ANO3: variants seen among roughly 807,000 people sequenced by gnomAD.
The protein encoded by ANO3 is anoctamin-3.
Under a neutral mutation model 144.8 loss-of-function variants are expected in ANO3, and 99 were observed. The ratio of observed to expected loss-of-function variants is 0.68; its 90% CI spans 0.58 to 0.81. ANO3 has a LOEUF of 0.81. Among genes scored for constraint, ANO3 ranks in the 30% least tolerant of loss-of-function variants. ANO3 has a pLI of 0.00. For synonymous variants in ANO3, 414 were observed against 392.6 expected (o/e 1.05, Z -0.64); for missense variants, 905 against 1,202.2 (o/e 0.75, Z 3.66).
chr11:26,264,494 CTTTAT>C lies in ANO3; in HGVS notation c.155-45147_155-45143del, dbSNP rs552039604. The stretch of plus-strand genomic sequence containing the variant: ...TAATACAAAGTGATGATGTGAGAAT[CTTTAT>C]TTTGATACTATTTGTGTGAGGAAAT... On this transcript the variant is annotated intron_variant, in intron 1 of 27. Transcript: ENST00000672621. Among the ~76,000 whole-genome samples the C allele has an allele frequency of 2.3e-3, 356 of 152,216 alleles. 2 individuals carry two copies. Among genetic ancestry groups the C allele is most frequent in the African/African-American group, 7.3e-3 (303 of 41,552 alleles).
chr11:26,235,810 A>ATTTG (rs36042741), intron 1 of ANO3, among the ~76,000 whole-genome samples: 54,753 of 151,482 alleles, frequency 0.36, 10,944 homozygotes, highest in Non-Finnish European at 0.44. Flanking sequence ...CTATGTAATC[A>ATTTG]TTTGTCTACA....
Position 26,590,955 on chromosome 11 carries a change from G to A in ANO3, c.1448-7410G>A, listed in dbSNP as rs923961883. Among the ~76,000 whole-genome samples, 7 of 152,250 alleles carry A rather than the reference G, an allele frequency of 4.6e-5. No homozygotes were observed. The East Asian group carries it at 7.7e-4, about 17-fold the overall frequency. ...GACCCAAAGGGGGTTGCCCACTCCCGTCTCGAATGCCTAGGGTTTATATCC... is the reference window on the plus strand; with the variant it reads ...GACCCAAAGGGGGTTGCCCACTCCCATCTCGAATGCCTAGGGTTTATATCC... On this transcript the variant is annotated intron_variant, in intron 14 of 26. Coordinates refer to ENST00000256737, the MANE Select transcript of ANO3 (RefSeq NM_031418.4).
rs200331263 is a variant in ANO3, at chr11:26,385,885, T to TTGTG, written c.46+53570_46+53573dup. 1.7e-4 allele frequency among the ~76,000 whole-genome samples: 22 copies of TTGTG among 130,910 alleles called. 1 individual carries two copies. Among genetic ancestry groups the TTGTG allele is most frequent in the African/African-American group, 7.6e-4 (22 of 29,072 alleles). The allele number at this position is 130,910 out of a possible 152,430, so 85.9% of individuals were successfully genotyped here. A position where few individuals can be genotyped will look rare whatever the true frequency, so the allele number is the denominator to read the frequency against. ...TGGTGATAGATTTGTGTGAAGTTCT[T>TTGTG]TGTGTGTGTATATATATTTATATAC... is the stretch of plus-strand genomic sequence containing the variant. On this transcript the variant is annotated intron_variant, in intron 1 of 26. Transcript: ENST00000256737.
At chr11:26,356,687 T>A (rs1855794114) in intron 1 of ANO3, among the ~76,000 whole-genome samples, 1 of 152,212 alleles carries the variant, frequency 6.6e-6, no homozygotes, top group South Asian at 2.1e-4. Flanking sequence ...CTCTTACATT[T>A]CTGGAGATTG....
At chr11:26,570,605 G>A (rs1367153135) in intron 14 of ANO3, among the ~76,000 whole-genome samples, 1 of 152,072 alleles carries the variant, frequency 6.6e-6, no homozygotes, top group African/African-American at 2.4e-5. Context: ...ATAAAAACAT[G>A]TTTCTATAGT....
At chr11:26,613,077 A>C (rs1275613280) in intron 17 of ANO3, among the ~76,000 whole-genome samples, 1 of 152,124 alleles carries the variant, frequency 6.6e-6, no homozygotes, top group Non-Finnish European at 1.5e-5. Flanking sequence ...TTATCCTGTT[A>C]AATAGGCTTT....
intron 1 of ANO3, among the ~76,000 whole-genome samples, chr11:26,373,202 A>G (rs2133940735): frequency 6.6e-6 from 1 of 152,290 alleles, no homozygotes; most frequent in South Asian, 2.1e-4. Flanking sequence ...TTGGATATGT[A>G]TCTCCACCTA....
At chr11:26,480,762 C>T (rs912805224) in intron 4 of ANO3, among the ~76,000 whole-genome samples, 17 of 152,042 alleles carry the variant, frequency 1.1e-4, no homozygotes, top group Middle Eastern at 3.4e-3. Flanking sequence ...GAGCTGAGTT[C>T]GCTCCACTGC....
At chr11:26,544,315 A>C (rs1849732158) in intron 11 of ANO3, among the ~76,000 whole-genome samples, 1 of 104,660 alleles carries the variant, frequency 9.6e-6, no homozygotes, top group Admixed American at 1.1e-4. Flanking sequence ...TATAAACCAT[A>C]TTTTCTTTAC....
chr11:26,657,353 T>A (rs892280354), intron 26 of ANO3, among the ~76,000 whole-genome samples: 1 of 152,170 alleles, frequency 6.6e-6, no homozygotes, highest in Non-Finnish European at 1.5e-5. Flanking sequence ...TTAACGACTT[T>A]GCACCTATAT....
intron 4 of ANO3, among the ~76,000 whole-genome samples, chr11:26,464,784 C>T (rs919549435): frequency 2.2e-4 from 34 of 151,962 alleles, no homozygotes; most frequent in Non-Finnish European, 2.8e-4. Context: ...TCCTATTATA[C>T]TTCCACTCAA....
intron 1 of ANO3, among the ~76,000 whole-genome samples, chr11:26,266,432 A>ATT (rs201955022): frequency 8.3e-4 from 111 of 134,250 alleles, no homozygotes; most frequent in Middle Eastern, 3.8e-3. Flanking sequence ...AACAAATGTA[A>ATT]TTTTTTTTTT....
chr11:26,403,447 C>T (rs775123385), intron 1 of ANO3, among the ~76,000 whole-genome samples: 1 of 151,808 alleles, frequency 6.6e-6, no homozygotes, highest in African/African-American at 2.4e-5. Flanking sequence ...ATCAGCAAAT[C>T]CTTTTGGCTC....
intron 1 of ANO3, among the ~76,000 whole-genome samples, chr11:26,285,158 T>C (rs1027945029): frequency 6.6e-6 from 1 of 152,202 alleles, no homozygotes; most frequent in Admixed American, 6.5e-5. Flanking sequence ...TTAATCTTAA[T>C]AAAGTTCACT....
intron 24 of ANO3, among the ~76,000 whole-genome samples, chr11:26,653,463 T>C (rs1379055883): frequency 6.6e-6 from 1 of 152,124 alleles, no homozygotes; most frequent in East Asian, 1.9e-4. Context: ...CTATCATCTC[T>C]CACCTGGATC....
rs370692517 is a variant in ANO3, at chr11:26,499,673, A to G, written c.433-8431A>G. ...CGATTTTTATGTTGCCTATTCCTGC[A>G]TGAATACCATATGTCCTGTTTAAGA... On this transcript the variant is annotated intron_variant, in intron 4 of 26. Coordinates refer to ENST00000256737, the MANE Select transcript of ANO3 (RefSeq NM_031418.4). Among the ~76,000 whole-genome samples, 25 of 151,918 alleles carry G rather than the reference A, an allele frequency of 1.6e-4. No individual in the cohort carries two copies. In the East Asian group the frequency reaches 4.4e-3, roughly 27 times the overall value.
chr11:26,223,854 G>A (rs1300933886), intron 1 of ANO3, among the ~76,000 whole-genome samples: 1 of 152,030 alleles, frequency 6.6e-6, no homozygotes, highest in Non-Finnish European at 1.5e-5. Flanking sequence ...AAGTGAACTG[G>A]TAGAGAGAGA....
chr11:26,380,391 A>C (rs1455755265), intron 1 of ANO3, among the ~76,000 whole-genome samples: 1 of 152,234 alleles, frequency 6.6e-6, no homozygotes, highest in Non-Finnish European at 1.5e-5. Context: ...TCTGGCTGCT[A>C]TAACAAAATA....
intron 5 of ANO3, among the ~76,000 whole-genome samples, chr11:26,510,335 T>C (rs1861615629): frequency 6.6e-6 from 1 of 152,112 alleles, no homozygotes; most frequent in Non-Finnish European, 1.5e-5. Context: ...TGTCTCTTTA[T>C]TATTCATCTT....
Sources: allele counts gnomAD v4.1 joint callset (sites outside exome capture counted in the v4.1 genomes callset), GRCh38; gene constraint gnomAD v4.1.1; transcripts MANE v1.5; gene names NCBI Gene and HGNC (gene_info 2026-07-23, HGNC 2026-07-21).